The following RB1 variants were observed in gnomAD, a reference collection of about 807,000 sequenced individuals.
RB1 encodes retinoblastoma-associated protein.
A neutral mutation model predicts 135.4 loss-of-function variants in RB1; 18 were observed. The observed-to-expected ratio is 0.13, with a 90% confidence interval of 0.09 to 0.20. The LOEUF is 0.20. Ranked by LOEUF, RB1 falls within the 10% of genes least tolerant of loss-of-function variation. RB1 has a pLI of 1.00. For missense variants in RB1, 868 were observed against 1,110.0 expected (o/e 0.78, Z 3.10); for synonymous variants, 365 against 373.2 (o/e 0.98, Z 0.25).
intron 17 of RB1, among the ~76,000 whole-genome samples, chr13:48,431,000 A>AGGG (rs1293559828): frequency 6.6e-6 from 1 of 152,228 alleles, no homozygotes; most frequent in African/African-American, 2.4e-5. Flanking sequence ...AAAAAAAGAT[A>AGGG]GGTTTGACTA....
chr13:48,445,768 G>A (rs1199598556), intron 17 of RB1, among the ~76,000 whole-genome samples: 4 of 152,076 alleles, frequency 2.6e-5, no homozygotes, highest in Non-Finnish European at 4.4e-5. Context: ...CCTGAGCACC[G>A]TGTAAGTAGG....
intron 11 of RB1, among the ~76,000 whole-genome samples, chr13:48,369,585 T>C (rs919029609): frequency 2.0e-5 from 3 of 152,246 alleles, no homozygotes; most frequent in Non-Finnish European, 4.4e-5. Context: ...GTCTGGTTTC[T>C]GTTGCCTCTC....
rs370456177 is a variant in RB1, at chr13:48,336,422, A to C, written c.265-6177A>C. Among the ~76,000 whole-genome samples the C allele has an allele frequency of 1.1e-4, 17 of 152,232 alleles. No individual in the cohort carries two copies. In the East Asian group the frequency reaches 2.1e-3, roughly 19 times the overall value. ...TCCTGATTTAGTCTTGGGAGGGTGT[A>C]TGTGTCCAGGAATTTATCCATTTCT... On this transcript the variant is annotated intron_variant, in intron 2 of 26. Coordinates refer to ENST00000267163, the MANE Select transcript of RB1 (RefSeq NM_000321.3).
At chr13:48,325,232 T>C (rs1343215148) in intron 2 of RB1, among the ~76,000 whole-genome samples, 1 of 152,140 alleles carries the variant, frequency 6.6e-6, no homozygotes, top group Non-Finnish European at 1.5e-5. Context: ...CATGCAGCAT[T>C]TGGTTTTCTG....
chr13:48,377,093 C>A, intron 13 of RB1, 59 bp downstream of exon 13: 1 of 1,512,112 alleles, frequency 6.6e-7, no homozygotes, highest in African/African-American at 1.4e-5. Context: ...AAAGCAGCAT[C>A]TTTCCAGTTC....
At chr13:48,390,355 C>T (rs899478073) in intron 17 of RB1, among the ~76,000 whole-genome samples, 1 of 152,114 alleles carries the variant, frequency 6.6e-6, no homozygotes, top group Non-Finnish European at 1.5e-5. Flanking sequence ...GGAGACAGAA[C>T]ATTTCTGGGT....
intron 17 of RB1, among the ~76,000 whole-genome samples, chr13:48,406,201 A>ATGTGTG (rs146588176): frequency 6.6e-6 from 1 of 151,860 alleles, no homozygotes; most frequent in African/African-American, 2.4e-5. Flanking sequence ...CAAAGGGTTA[A>ATGTGTG]TGTGTGTGTG....
chr13:48,352,465 GA>G (rs1323140764), intron 6 of RB1, among the ~76,000 whole-genome samples: 1 of 151,832 alleles, frequency 6.6e-6, no homozygotes, highest in Non-Finnish European at 1.5e-5. Context: ...CCATTTTAAT[GA>G]TATTTATTCT....
At chr13:48,345,402 G>A (rs1309086516) in intron 4 of RB1, among the ~76,000 whole-genome samples, 4 of 151,964 alleles carry the variant, frequency 2.6e-5, no homozygotes, top group East Asian at 1.9e-4. Context: ...AAAATTAACC[G>A]TTTTATTATC....
chr13:48,437,196 C>T (rs1949192706), intron 17 of RB1, among the ~76,000 whole-genome samples: 1 of 152,126 alleles, frequency 6.6e-6, no homozygotes, highest in South Asian at 2.1e-4. Flanking sequence ...AGTAGCAAAA[C>T]AGAGTGAAGC....
intron 17 of RB1, chr13:48,411,661 C>T: frequency 6.2e-7 from 1 of 1,610,862 alleles, no homozygotes; most frequent in Non-Finnish European, 8.5e-7. Context: ...TGTGTTCTCA[C>T]AAGAGAATAT....
At chr13:48,397,465 G>A (rs1948657418) in intron 17 of RB1, among the ~76,000 whole-genome samples, 4 of 152,114 alleles carry the variant, frequency 2.6e-5, no homozygotes, top group Admixed American at 2.0e-4. Flanking sequence ...GACACATGGA[G>A]GGGAACATCA....
At chr13:48,314,473 G>A (rs1410141360) in intron 2 of RB1, among the ~76,000 whole-genome samples, 3 of 152,110 alleles carry the variant, frequency 2.0e-5, no homozygotes, top group African/African-American at 4.8e-5. Flanking sequence ...ATTGTAGGTG[G>A]ATAGAAATAA....
chr13:48,425,192 G>T (rs566931235), intron 17 of RB1, among the ~76,000 whole-genome samples: 1 of 152,310 alleles, frequency 6.6e-6, no homozygotes, highest in African/African-American at 2.4e-5. Flanking sequence ...TGTAATGAAG[G>T]CTAGCCTTTA....
At position 48,457,692 on chromosome 13, in the gene RB1, C is replaced by T. The variant is rs558052678; in HGVS notation, c.1960+1343C>T. 2.1e-3 allele frequency among the ~76,000 whole-genome samples: 323 copies of T among 152,336 alleles called. 1 individual carries two copies. Among genetic ancestry groups the T allele is most frequent in the African/African-American group, 6.9e-3 (289 of 41,586 alleles). ...TCAGCCCCCGCCTCGGCTTCCCCCC[C>T]GTGCTCGTCAGCGCCCAAAGTCTGG... On this transcript the variant is annotated intron_variant, in intron 19 of 26. Transcript: ENST00000267163.
chr13:48,392,084 C>T (rs1948614947), intron 17 of RB1, among the ~76,000 whole-genome samples: 1 of 151,962 alleles, frequency 6.6e-6, no homozygotes. Context: ...AAAAATATTG[C>T]TCCACTGTCT....
intron 17 of RB1, among the ~76,000 whole-genome samples, chr13:48,434,995 T>C (rs1949169185): frequency 6.6e-6 from 1 of 152,242 alleles, no homozygotes; most frequent in Non-Finnish European, 1.5e-5. Context: ...GGTTCTAGTT[T>C]TTGGCTATCA....
At chr13:48,458,890 A>G (rs1231469991) in intron 19 of RB1, among the ~76,000 whole-genome samples, 1 of 152,164 alleles carries the variant, frequency 6.6e-6, no homozygotes, top group African/African-American at 2.4e-5. Flanking sequence ...CAAGTTTACC[A>G]TTTTTCAACA....
chr13:48,431,252 G>GT (rs1949126879), intron 17 of RB1, among the ~76,000 whole-genome samples: 1 of 151,966 alleles, frequency 6.6e-6, no homozygotes, highest in African/African-American at 2.4e-5. Context: ...TTTAATATTT[G>GT]TATTTTTTTT....
Sources: allele counts gnomAD v4.1 joint callset (sites outside exome capture counted in the v4.1 genomes callset), GRCh38; gene constraint gnomAD v4.1.1; transcripts MANE v1.5; gene names NCBI Gene and HGNC (gene_info 2026-07-23, HGNC 2026-07-21).